OSBP2: variants seen among roughly 807,000 people sequenced by gnomAD.
OSBP2 encodes oxysterol binding protein 2.
A neutral mutation model predicts 96.0 loss-of-function variants in OSBP2; 66 were observed. The observed-to-expected ratio is 0.69, with a 90% CI of 0.56 to 0.84. The LOEUF (loss-of-function observed/expected upper bound fraction) is 0.84, where lower values mean the gene tolerates loss of function less well. Ranked by LOEUF, OSBP2 falls within the 40% of genes least tolerant of loss-of-function variation. OSBP2 has a pLI of 0.00. For synonymous variants in OSBP2, 525 were observed against 520.9 expected (o/e 1.01, Z -0.11); for missense variants, 1,038 against 1,222.7 (o/e 0.85, Z 2.25).
intron 1 of OSBP2, among the ~76,000 whole-genome samples, chr22:30,737,197 G>T (rs1015353085): frequency 6.6e-6 from 1 of 151,632 alleles, no homozygotes; most frequent in Non-Finnish European, 1.5e-5. Flanking sequence ...TCTATTATTA[G>T]TAGAGATGGG....
chr22:30,887,711 C>A, intron 4 of OSBP2, 93 bp downstream of exon 4: 4 of 1,137,914 alleles, frequency 3.5e-6, no homozygotes, highest in Non-Finnish European at 5.0e-6. Context: ...ACATCCCTGG[C>A]TGTGCCCACA....
intron 2 of OSBP2, among the ~76,000 whole-genome samples, chr22:30,778,530 C>T (rs923759730): frequency 5.9e-5 from 9 of 152,142 alleles, no homozygotes; most frequent in African/African-American, 2.2e-4. Flanking sequence ...CCTGTTATAA[C>T]ACCCACTGCC....
At chr22:30,891,337 G>T (rs535272002) in intron 8 of OSBP2, among the ~76,000 whole-genome samples, 5 of 152,344 alleles carry the variant, frequency 3.3e-5, no homozygotes, top group African/African-American at 1.2e-4. Context: ...CGGCTGGCAG[G>T]AGGAGCCTGG....
rs2039426031 is a variant in OSBP2 at position 30,870,043 on chromosome 22, G to T, written c.854-386G>T. Among the ~76,000 whole-genome samples, 1 of 152,186 alleles carries T rather than the reference G, an allele frequency of 6.6e-6. No individual in the cohort carries two copies. Among genetic ancestry groups the T allele is most frequent in the Non-Finnish European group, 1.5e-5 (1 of 68,010 alleles). On this transcript the variant is annotated intron_variant, in intron 2 of 13. Transcript: ENST00000332585. This position sits in a 1 kb window ranked among gnomAD's most constrained non-coding sequence, Gnocchi z 4.1. ...CAGGCTCCATTCTGGGGGCCTCTGT[G>T]CCCAGAGAGCAGTCTCCACCTCTCC...
intron 2 of OSBP2, among the ~76,000 whole-genome samples, chr22:30,825,286 G>A (rs1358549770): frequency 6.6e-6 from 1 of 152,104 alleles, no homozygotes; most frequent in Non-Finnish European, 1.5e-5. Flanking sequence ...TCAGGAGTTC[G>A]AGACCAGCCT....
At chr22:30,892,654 G>T (rs2039973955) in intron 8 of OSBP2, among the ~76,000 whole-genome samples, 1 of 152,132 alleles carries the variant, frequency 6.6e-6, no homozygotes, top group South Asian at 2.1e-4. Context: ...GCCTGCTCTG[G>T]AGCCAGGCTG....
At chr22:30,774,098 T>C (rs1569117760) in intron 2 of OSBP2, among the ~76,000 whole-genome samples, 1 of 152,058 alleles carries the variant, frequency 6.6e-6, no homozygotes, top group Non-Finnish European at 1.5e-5. Context: ...TGACCACCAA[T>C]GAGAGGTGGC....
At chr22:30,762,781 C>T (rs760864572) in intron 2 of OSBP2, among the ~76,000 whole-genome samples, 1 of 152,212 alleles carries the variant, frequency 6.6e-6, no homozygotes, top group African/African-American at 2.4e-5. Flanking sequence ...CTGAGCCAGC[C>T]TCCTGCCTGG....
intron 2 of OSBP2, among the ~76,000 whole-genome samples, chr22:30,828,820 C>A (rs1015253361): frequency 6.6e-6 from 1 of 152,128 alleles, no homozygotes; most frequent in Admixed American, 6.5e-5. Flanking sequence ...AGGCTTCCCC[C>A]AGTGCTTGTA....
At chr22:30,698,873 A>G (rs1420014916) in intron 1 of OSBP2, among the ~76,000 whole-genome samples, 1 of 151,992 alleles carries the variant, frequency 6.6e-6, no homozygotes, top group African/African-American at 2.4e-5. Flanking sequence ...GTCGCCATGC[A>G]CTTTTCTCCC....
intron 1 of OSBP2, among the ~76,000 whole-genome samples, chr22:30,713,461 G>GTTAT (rs71328864): frequency 0.044 from 6,659 of 149,804 alleles, 315 homozygotes; most frequent in South Asian, 0.12. Flanking sequence ...TTTTTAAAAT[G>GTTAT]TTATTTATTT....
chr22:30,863,244 C>G (rs1041976108), intron 2 of OSBP2, among the ~76,000 whole-genome samples: 1 of 152,172 alleles, frequency 6.6e-6, no homozygotes, highest in African/African-American at 2.4e-5. Context: ...ATTTTGTGAT[C>G]AGGCTCAGGC....
intron 1 of OSBP2, among the ~76,000 whole-genome samples, chr22:30,734,290 G>A (rs1279876925): frequency 6.6e-6 from 1 of 152,154 alleles, no homozygotes; most frequent in Admixed American, 6.6e-5. Flanking sequence ...TTGGATATGA[G>A]CCCTGATGAA....
At chr22:30,880,163 C>G (rs140261434) in intron 3 of OSBP2, among the ~76,000 whole-genome samples, 2 of 152,328 alleles carry the variant, frequency 1.3e-5, no homozygotes, top group African/African-American at 4.8e-5. Context: ...GACCCTGACT[C>G]TCTGCGATCT....
chr22:30,768,157 G>A (rs1234845281), intron 2 of OSBP2, among the ~76,000 whole-genome samples: 1 of 152,126 alleles, frequency 6.6e-6, no homozygotes, highest in East Asian at 1.9e-4. Flanking sequence ...AAGGAGATTG[G>A]TGTTCAGTTC....
At chr22:30,899,420 A>T (rs961381674) in intron 12 of OSBP2, among the ~76,000 whole-genome samples, 4 of 150,802 alleles carry the variant, frequency 2.7e-5, no homozygotes, top group African/African-American at 9.7e-5. Context: ...AAAAAAAAAG[A>T]AAAAGAACTG....
intron 2 of OSBP2, among the ~76,000 whole-genome samples, chr22:30,765,115 A>C (rs2090254493): frequency 6.6e-6 from 1 of 152,140 alleles, no homozygotes; most frequent in Admixed American, 6.6e-5. Context: ...GCTGGTCTCA[A>C]ACTGCTGGGC....
chr22:30,693,879 C>G (rs1227046125), upstream of OSBP2: 6 of 569,088 alleles, frequency 1.1e-5, no homozygotes, highest in East Asian at 3.0e-5. Context: ...GCAGGAGAAT[C>G]GCTTGAACCT....
At chr22:30,883,575 G>T (rs2039745493) in intron 3 of OSBP2, among the ~76,000 whole-genome samples, 1 of 152,216 alleles carries the variant, frequency 6.6e-6, no homozygotes, top group Admixed American at 6.5e-5. Context: ...GGGGAGGAGG[G>T]CCTCCTGGGA....
Sources: gnomAD v4.1 joint callset for allele counts (sites outside exome capture counted in the v4.1 genomes callset) on GRCh38, gnomAD v4.1.1 for gene constraint, Gnocchi (gnomAD v3.1) non-coding constraint, MANE v1.5 for transcripts, NCBI Gene and HGNC (gene_info 2026-07-23, HGNC 2026-07-21) for gene names.